Variants in FGF14 observed in about 807,000 individuals in gnomAD.
FGF14 encodes fibroblast growth factor 14, also known as fibroblast growth factor homologous factor 4.
In FGF14, 5 loss-of-function variants were observed where a neutral mutation model predicts 25.5. That is an observed-to-expected ratio of 0.20 (90% CI 0.10 to 0.41). The LOEUF is 0.41. Ranked by LOEUF, FGF14 falls within the 10% of genes least tolerant of loss-of-function variation. The pLI, the probability that FGF14 is intolerant of heterozygous loss-of-function variation, is 1.00. For synonymous variants in FGF14, 138 were observed against 118.3 expected (o/e 1.17, Z -1.08); for missense variants, 222 against 320.1 (o/e 0.69, Z 2.34).
intron 1 of FGF14, among the ~76,000 whole-genome samples, chr13:102,082,842 C>T (rs2043697632): frequency 6.6e-6 from 1 of 151,348 alleles, no homozygotes; most frequent in Non-Finnish European, 1.5e-5. Flanking sequence ...CCTGTAGTCC[C>T]AGCTACTTGG....
At chr13:102,071,958 C>A (rs986508582) in intron 1 of FGF14, among the ~76,000 whole-genome samples, 1 of 152,134 alleles carries the variant, frequency 6.6e-6, no homozygotes, top group African/African-American at 2.4e-5. Context: ...CCGTTCCCCT[C>A]CAACCCCCAG....
At chr13:102,010,309 T>C (rs535456900) in intron 1 of FGF14, among the ~76,000 whole-genome samples, 1 of 152,222 alleles carries the variant, frequency 6.6e-6, no homozygotes, top group South Asian at 2.1e-4. Flanking sequence ...ATGTCACCAG[T>C]GCATAAAGGC....
intron 1 of FGF14, among the ~76,000 whole-genome samples, chr13:102,152,852 TCTG>T (rs1203825385): frequency 1.3e-5 from 2 of 152,232 alleles, no homozygotes; most frequent in African/African-American, 4.8e-5. Flanking sequence ...TGTTTCAAGT[TCTG>T]CTGAACATTT....
intron 1 of FGF14, among the ~76,000 whole-genome samples, chr13:102,298,273 G>A (rs896376680): frequency 4.6e-5 from 7 of 152,038 alleles, no homozygotes; most frequent in Admixed American, 2.0e-4. Context: ...ATAGATCGTG[G>A]GTGTGATTTC....
chr13:101,835,049 T>G (rs1167976232), intron 3 of FGF14, among the ~76,000 whole-genome samples: 1 of 152,084 alleles, frequency 6.6e-6, no homozygotes, highest in African/African-American at 2.4e-5. Context: ...TTGTAAATCA[T>G]GACAAAGGAT....
chr13:102,207,752 G>C (rs1354751791), intron 1 of FGF14, among the ~76,000 whole-genome samples: 1 of 151,826 alleles, frequency 6.6e-6, no homozygotes, highest in African/African-American at 2.4e-5. Context: ...TGTCTGTGCT[G>C]AATGTTTGAC....
intron 1 of FGF14, among the ~76,000 whole-genome samples, chr13:102,075,684 C>T (rs1484927366): frequency 6.6e-6 from 1 of 152,134 alleles, no homozygotes; most frequent in Non-Finnish European, 1.5e-5. Context: ...AACTGTAAAA[C>T]AGCCTCAGGG....
intron 1 of FGF14, among the ~76,000 whole-genome samples, chr13:102,344,873 T>C (rs538899976): frequency 5.9e-5 from 9 of 152,340 alleles, no homozygotes; most frequent in South Asian, 2.1e-4. Context: ...TGGAGCAGCA[T>C]TGGTGCAGGG....
intron 1 of FGF14, among the ~76,000 whole-genome samples, chr13:101,916,037 C>T (rs564500918): frequency 1.3e-5 from 2 of 152,200 alleles, no homozygotes; most frequent in South Asian, 4.1e-4. Context: ...TGAGGCCAGG[C>T]CCACCCCATG....
intron 1 of FGF14, among the ~76,000 whole-genome samples, chr13:102,189,003 A>AGAAG (rs2048998680): frequency 1.1e-5 from 1 of 87,630 alleles, no homozygotes; most frequent in Non-Finnish European, 2.2e-5. Flanking sequence ...AAAGAAAGAA[A>AGAAG]GAAAGAGAAA....
At chr13:101,930,194 C>T (rs1330215042) in intron 1 of FGF14, among the ~76,000 whole-genome samples, 2 of 152,070 alleles carry the variant, frequency 1.3e-5, no homozygotes, top group Non-Finnish European at 2.9e-5. Flanking sequence ...AAAAAACAAA[C>T]CAAATGAGAA....
intron 1 of FGF14, among the ~76,000 whole-genome samples, chr13:101,991,711 G>GT (rs1235291612): frequency 6.6e-6 from 1 of 152,064 alleles, no homozygotes; most frequent in Non-Finnish European, 1.5e-5. Context: ...GATGAAGCCA[G>GT]TATCAGTAGG....
At chr13:102,388,455 C>T (rs529101156) in intron 1 of FGF14, among the ~76,000 whole-genome samples, 30 of 152,298 alleles carry the variant, frequency 2.0e-4, no homozygotes, top group African/African-American at 7.2e-4. Flanking sequence ...TTCCAAAAGT[C>T]GATGGAGGCC....
intron 1 of FGF14, among the ~76,000 whole-genome samples, chr13:102,282,483 A>T (rs1274475348): frequency 6.6e-6 from 1 of 152,214 alleles, no homozygotes; most frequent in African/African-American, 2.4e-5. Context: ...TTTCCAATGA[A>T]ATATATCTTT....
chr13:102,103,566 A>T (rs979697426), intron 1 of FGF14, among the ~76,000 whole-genome samples: 7 of 152,028 alleles, frequency 4.6e-5, no homozygotes, highest in African/African-American at 2.4e-5. Context: ...CAAGCCATTG[A>T]TGTTTACAGG....
intron 3 of FGF14, among the ~76,000 whole-genome samples, chr13:101,831,240 CTATTTATTTATTTATTTATTTATT>C (rs71125026): frequency 5.4e-5 from 8 of 147,356 alleles, no homozygotes; most frequent in African/African-American, 2.0e-4. Context: ...ATGTTAGTTA[CTATTTATTTATTTATTTATTTATT>C]TATTTATTTA....
chr13:101,867,889 GACACACAC>G (rs370683665), intron 3 of FGF14, among the ~76,000 whole-genome samples: 2,637 of 140,642 alleles, frequency 0.019, 74 homozygotes, highest in African/African-American at 0.061. Flanking sequence ...TTCTGTTTAA[GACACACAC>G]ACACACACAC....
chr13:102,005,892 C>A (rs1455656123), intron 1 of FGF14, among the ~76,000 whole-genome samples: 4 of 152,116 alleles, frequency 2.6e-5, no homozygotes, highest in Non-Finnish European at 4.4e-5. Flanking sequence ...TTGGAAAAGT[C>A]ATAAGAAAAA....
intron 1 of FGF14, among the ~76,000 whole-genome samples, chr13:101,881,092 G>C (rs1480286768): frequency 6.6e-6 from 1 of 152,148 alleles, no homozygotes; most frequent in East Asian, 1.9e-4. Context: ...ATCATTAAAG[G>C]GAAGGGAGAC....
Sources: allele counts gnomAD v4.1 joint callset (sites outside exome capture counted in the v4.1 genomes callset), GRCh38; gene constraint gnomAD v4.1.1; transcripts MANE v1.5; gene names NCBI Gene and HGNC (gene_info 2026-07-23, HGNC 2026-07-21).